KCNK1: variants seen among roughly 807,000 people sequenced by gnomAD.
The protein encoded by KCNK1 is potassium channel subfamily K member 1.
In KCNK1, 10 loss-of-function variants were observed where a neutral mutation model predicts 22.2. The observed-to-expected ratio is 0.45, with a 90% CI of 0.28 to 0.76. The LOEUF is 0.76. KCNK1 is among the 30% of genes least tolerant of loss of function. The pLI is 0.14. For missense variants in KCNK1, 378 were observed against 421.0 expected (o/e 0.90, Z 0.89); for synonymous variants, 200 against 186.4 (o/e 1.07, Z -0.60).
Position 233,637,999 on chromosome 1 carries a change from G to GAA in KCNK1, c.355+23483_355+23484dup, listed in dbSNP as rs34708464. ...ACAATGTCGTGGGCTGTGGAAAAAT[G>GAA]AAAAAAAAAAACACAGGGTTGTCCT... On this transcript the variant is annotated intron_variant, in intron 1 of 2. Coordinates refer to ENST00000366621, the MANE Select transcript of KCNK1 (RefSeq NM_002245.4). Among the ~76,000 whole-genome samples, 546 of 146,888 alleles carry GAA rather than the reference G, an allele frequency of 3.7e-3. 2 individuals carry two copies. Among genetic ancestry groups the GAA allele is most frequent in the African/African-American group, 7.9e-3 (312 of 39,568 alleles).
rs74756289 is a variant in KCNK1 at position 233,657,660 on chromosome 1, A to T, written c.356-8935A>T. ...AAGAAAGAAAAAAGAAAAAGGAAAG[A>T]CGAAAGAAAAGAAAGAAAGAGAAAG... On this transcript the variant is annotated intron_variant, in intron 1 of 2. Transcript: ENST00000366621. Among the ~76,000 whole-genome samples, 619 of 151,836 alleles carry T rather than the reference A, an allele frequency of 4.1e-3. 14 individuals are homozygous for T. In the East Asian group the frequency reaches 0.054, roughly 13 times the overall value.
intron 1 of KCNK1, among the ~76,000 whole-genome samples, chr1:233,652,538 A>G (rs956187779): frequency 1.3e-5 from 2 of 152,234 alleles, no homozygotes; most frequent in Non-Finnish European, 2.9e-5. Flanking sequence ...TTTAAAGCAT[A>G]ACATACCGAA....
chr1:233,670,041 T>C (rs1401731185), intron 2 of KCNK1, among the ~76,000 whole-genome samples: 2 of 152,214 alleles, frequency 1.3e-5, no homozygotes, highest in East Asian at 3.8e-4. Flanking sequence ...TTCTCAAATG[T>C]TTTACCACTG....
At chr1:233,634,963 C>T (rs1009879516) in intron 1 of KCNK1, among the ~76,000 whole-genome samples, 13 of 152,308 alleles carry the variant, frequency 8.5e-5, no homozygotes, top group Admixed American at 4.6e-4. Flanking sequence ...AACCCTCACT[C>T]GTACTCAGGC....
intron 1 of KCNK1, among the ~76,000 whole-genome samples, chr1:233,638,304 G>GA (rs1657938559): frequency 6.6e-6 from 1 of 150,830 alleles, no homozygotes; most frequent in Non-Finnish European, 1.5e-5. Context: ...GTTTTATCAG[G>GA]AAAAAAATAA....
At position 233,641,581 on chromosome 1, in the gene KCNK1, C is replaced by T. The variant is rs138839530; in HGVS notation, c.356-25014C>T. Among the ~76,000 whole-genome samples the T allele has an allele frequency of 4.2e-4, 64 of 152,328 alleles. 1 individual carries two copies. Among genetic ancestry groups the T allele is most frequent in the African/African-American group, 1.5e-3 (63 of 41,570 alleles). On this transcript the variant is annotated intron_variant, in intron 1 of 2. Coordinates refer to ENST00000366621, the MANE Select transcript of KCNK1 (RefSeq NM_002245.4). ...AAGCGGATGGGGTGTTATATCCCCA[C>T]TTAACACGGCAGGGTCCTGTTGGCA...
chr1:233,614,434 A>G lies in KCNK1; in HGVS notation c.263A>G (p.Tyr88Cys), dbSNP rs1657445417. The G allele has an allele frequency of 1.2e-6, 2 of 1,613,218 alleles. No homozygotes were observed. Among genetic ancestry groups the G allele is most frequent in the East Asian group, 2.2e-5 (1 of 44,842 alleles). ...FLGRVLEASN[Y>C]GVSVLSNASG... The stretch of plus-strand genomic sequence containing the variant: ...GGCCGGGTGCTGGAGGCCAGCAACT[A>G]CGGCGTGTCGGTGCTCAGCAACGCC... Residue 88 changes from tyrosine to cysteine, a missense_variant, in exon 1 of 3, where the codon TAC (tyrosine) becomes TGC (cysteine). Coordinates refer to ENST00000366621, the MANE Select transcript of KCNK1 (RefSeq NM_002245.4).
chr1:233,649,561 T>C (rs1011341023), intron 1 of KCNK1, among the ~76,000 whole-genome samples: 6 of 152,190 alleles, frequency 3.9e-5, no homozygotes, highest in East Asian at 1.9e-4. Context: ...TTTCTTCTGG[T>C]TCTGGAGGCT....
chr1:233,636,530 G>A (rs1657899687), intron 1 of KCNK1: 1 of 152,356 alleles, frequency 6.6e-6, no homozygotes, highest in African/African-American at 2.4e-5. Flanking sequence ...CACTGACTGA[G>A]AAGAGCTAAA....
chr1:233,662,494 T>A (rs61280062), intron 1 of KCNK1, among the ~76,000 whole-genome samples: 40,922 of 152,090 alleles, frequency 0.27, 5,621 homozygotes, highest in Non-Finnish European at 0.28. Context: ...TGATGTACTC[T>A]ATAGGAGCCC....
chr1:233,630,338 C>A, intron 1 of KCNK1, among the ~76,000 whole-genome samples: 1 of 152,228 alleles, frequency 6.6e-6, no homozygotes, highest in South Asian at 2.1e-4. Context: ...TGAGTTGTAA[C>A]TTAACTAAGC....
intron 1 of KCNK1, among the ~76,000 whole-genome samples, chr1:233,644,664 G>C (rs1307975393): frequency 1.4e-5 from 2 of 147,074 alleles, no homozygotes; most frequent in African/African-American, 5.4e-5. Flanking sequence ...AGTGCAGAAG[G>C]CATCAAACCA....
intron 1 of KCNK1, among the ~76,000 whole-genome samples, chr1:233,639,601 C>A (rs1657968396): frequency 6.6e-6 from 1 of 152,160 alleles, no homozygotes; most frequent in Non-Finnish European, 1.5e-5. Context: ...AACATTCTTT[C>A]TATATTTGTG....
intron 1 of KCNK1, among the ~76,000 whole-genome samples, chr1:233,643,193 G>A (rs915303823): frequency 1.3e-5 from 2 of 152,246 alleles, no homozygotes; most frequent in Middle Eastern, 3.4e-3. Context: ...ATGCATATGT[G>A]GGGTTATAGG....
intron 1 of KCNK1, among the ~76,000 whole-genome samples, chr1:233,643,970 G>A (rs1378117874): frequency 6.6e-6 from 1 of 152,280 alleles, no homozygotes; most frequent in Admixed American, 6.5e-5. Flanking sequence ...ATTTCAGGAG[G>A]GTTCATGGTG....
chr1:233,666,855 C>T lies in KCNK1; in HGVS notation c.616C>T (p.Leu206=), dbSNP rs1658499472. ...FFIPAAVFSV[L]EDDWNFLESF... The stretch of plus-strand genomic sequence containing the variant: ...CATCCCGGCCGCTGTCTTCTCAGTC[C>T]TGGAGGATGACTGGAACTTCCTGGA... Residue 206 remains leucine, a synonymous_variant, in exon 2 of 3, where the codon CTG becomes TTG. Coordinates refer to ENST00000366621, the MANE Select transcript of KCNK1 (RefSeq NM_002245.4). The T allele has an allele frequency of 1.2e-6, 2 of 1,614,042 alleles. No individual in the cohort carries two copies. Among genetic ancestry groups the T allele is most frequent in the African/African-American group, 2.7e-5 (2 of 74,910 alleles).
intron 2 of KCNK1, among the ~76,000 whole-genome samples, chr1:233,669,588 C>T (rs1435924200): frequency 6.6e-6 from 1 of 152,146 alleles, no homozygotes; most frequent in Non-Finnish European, 1.5e-5. Flanking sequence ...TGGCTCATGC[C>T]TGTAATCATA....
intron 1 of KCNK1, among the ~76,000 whole-genome samples, chr1:233,661,052 T>C (rs958912507): frequency 5.3e-5 from 8 of 152,234 alleles, no homozygotes; most frequent in African/African-American, 1.9e-4. Context: ...TTCACAATTA[T>C]TCTGCATACA....
intron 1 of KCNK1, among the ~76,000 whole-genome samples, chr1:233,643,604 A>G (rs1658039749): frequency 6.6e-6 from 1 of 152,046 alleles, no homozygotes; most frequent in Non-Finnish European, 1.5e-5. Context: ...AGAGATGGAG[A>G]CTTGGACCTC....
Sources: allele counts gnomAD v4.1 joint callset (sites outside exome capture counted in the v4.1 genomes callset), GRCh38; gene constraint gnomAD v4.1.1; transcripts MANE v1.5; gene names NCBI Gene and HGNC (gene_info 2026-07-23, HGNC 2026-07-21).